Variants in ZSCAN29 observed in about 807,000 individuals in gnomAD.
The protein encoded by ZSCAN29 is zinc finger and SCAN domain containing 29.
A neutral mutation model predicts 71.9 loss-of-function variants in ZSCAN29; 55 were observed. The ratio of observed to expected loss-of-function variants is 0.76; its 90% CI spans 0.62 to 0.96. The LOEUF is 0.96. ZSCAN29 is among the 40% of genes least tolerant of loss of function. ZSCAN29 has a pLI of 0.00. For missense variants in ZSCAN29, 1,042 were observed against 1,042.2 expected, an observed-to-expected ratio of 1.00 and a Z score of 0.00; for synonymous variants, 351 against 371.6, an observed-to-expected ratio of 0.94 and a Z score of 0.64.
intron 4 of ZSCAN29, among the ~76,000 whole-genome samples, chr15:43,364,881 C>G (rs1229924596): frequency 1.6e-5 from 2 of 122,428 alleles, no homozygotes; most frequent in Non-Finnish European, 3.2e-5. Context: ...GACAACAAAG[C>G]GACTCTGTCT....
Position 43,361,567 on chromosome 15 carries a change from G to A in ZSCAN29, c.2065C>T (p.Arg689Trp), listed in dbSNP as rs760226206. 1.9e-5 allele frequency: 31 copies of A among 1,614,056 alleles called. No individual in the cohort carries two copies. Among genetic ancestry groups the A allele is most frequent in the African/African-American group, 4.0e-5 (3 of 74,912 alleles). ...CGGTGTCTAATGAGTCGTGCACTCC[G>A]ACTGAAGCTTTTCCCACAATCAGCA... ...KCADCGKSFS[R>W]SARLIRHRRI... The change falls in exon 6 of 6, where the codon CGG (arginine) becomes TGG (tryptophan). Residue 689 changes from arginine to tryptophan, a missense_variant. By Grantham distance (101) the Arg-to-Trp change is moderately radical. Transcript: ENST00000684362.
At position 43,361,867 on chromosome 15, in the gene ZSCAN29, A is replaced by G; in HGVS notation, c.1765T>C (p.Leu589=). The change falls in exon 6 of 6, where the codon TTA becomes CTA. Residue 589 remains leucine, a synonymous_variant. Transcript: ENST00000684362. ...ATTTTCCTTTCAGATCTTGCAAGTA[A>G]TGTCCTATGCAGTTGTACTTCCTCA... ...ISEEVQLHRT[L]LARSERKIPR... 6.2e-7 allele frequency: 1 copy of G among 1,614,190 alleles called. No individual in the cohort carries two copies. Among genetic ancestry groups the G allele is most frequent in the South Asian group, 1.1e-5 (1 of 91,086 alleles).
At position 43,369,066 on chromosome 15, in the gene ZSCAN29, G is replaced by A; in HGVS notation, c.380C>T (p.Ser127Leu). The A allele has an allele frequency of 6.2e-7, 1 of 1,608,146 alleles. No individual in the cohort carries two copies. Among genetic ancestry groups the A allele is most frequent in the Non-Finnish European group, 8.5e-7 (1 of 1,176,098 alleles). The stretch of plus-strand genomic sequence containing the variant: ...CTGCCGAACACTTAATAACTCTTGT[G>A]ATGATTTCGGGGGTGTCATCTTCTC... The part of the protein sequence containing the change: ...RLEKMTPPKS[S>L]QELLSVRQES... Residue 127 changes from serine (S) to leucine (L), a missense_variant, in exon 3 of 6, where the codon TCA becomes TTA. Transcript: ENST00000684362.
rs772832584 is a variant in ZSCAN29 at position 43,366,769 on chromosome 15, T to TCC, written c.561_562dup (p.Glu188GlyfsTer25). On this transcript the variant is annotated frameshift_variant, in exon 4 of 6. Coordinates refer to ENST00000684362, the MANE Select transcript of ZSCAN29 (RefSeq NM_001372080.1). LOFTEE classifies it high-confidence loss of function. ...ATCTGGGATCCATGGCTCTCCTTGC[T>TCC]CCAACCTGGAGACCACACCGGATTT... 1 of 1,614,000 alleles carries TCC rather than the reference T, an allele frequency of 6.2e-7. No individual in the cohort carries two copies. Among genetic ancestry groups the TCC allele is most frequent in the Admixed American group, 1.7e-5 (1 of 59,988 alleles).
intron 4 of ZSCAN29, among the ~76,000 whole-genome samples, chr15:43,365,464 A>C (rs1225828204): frequency 6.6e-6 from 1 of 152,232 alleles, no homozygotes; most frequent in Non-Finnish European, 1.5e-5. Flanking sequence ...TCTCAGAGGA[A>C]ACTTAGATGT....
rs758112106 is a variant in ZSCAN29 at position 43,361,152 on chromosome 15, A to G, written c.2480T>C (p.Phe827Ser). 3 of 1,614,074 alleles carry G rather than the reference A, an allele frequency of 1.9e-6. No individual in the cohort carries two copies. The highest frequency in any genetic ancestry group is 2.5e-6 in the Non-Finnish European group (3 of 1,179,914). Residue 827 changes from phenylalanine (F) to serine (S), a missense_variant, in exon 6 of 6, where the codon TTC becomes TCC. Phe to Ser is a radical substitution (Grantham distance 155). Transcript: ENST00000684362. Reference sequence around the variant, plus strand: ...CTTATTAAGGGCAGAGCTTTTACTGAAGCACTTACCACAGTCATGACACCC... The same window carrying G: ...CTTATTAAGGGCAGAGCTTTTACTGGAGCACTTACCACAGTCATGACACCC... ...PYGCHDCGKCFSKSSALNKHG... is the reference protein window; with the variant it reads ...PYGCHDCGKCSSKSSALNKHG...
chr15:43,368,115 A>G (rs1032686863), intron 3 of ZSCAN29, among the ~76,000 whole-genome samples: 1 of 152,248 alleles, frequency 6.6e-6, no homozygotes, highest in African/African-American at 2.4e-5. Flanking sequence ...TAAAATTCTT[A>G]CTTAGCTTCT....
chr15:43,369,243 G>A, intron 2 of ZSCAN29, 116 bp from the exon 3 acceptor site: 1 of 1,068,258 alleles, frequency 9.4e-7, no homozygotes, highest in Non-Finnish European at 1.3e-6. Flanking sequence ...AGGGTTGTAG[G>A]GGTGAGGGAG....
rs1566883674 is a variant in ZSCAN29, at chr15:43,366,441, C to T, written c.891G>A (p.Gln297=). The T allele has an allele frequency of 6.2e-7, 1 of 1,614,220 alleles. No individual in the cohort carries two copies. The highest frequency in any genetic ancestry group is 1.7e-5 in the Admixed American group (1 of 60,030). ...REYGFLRTLE[Q]CRTKFKGLQK... The stretch of plus-strand genomic sequence containing the variant: ...GGAGACCTTTGAACTTGGTCCGACA[C>T]TGTTCCAGGGTCCGGAGGAAGCCAT... Residue 297 remains glutamine (Q), a synonymous_variant, in exon 4 of 6, where the codon CAG becomes CAA. Transcript: ENST00000684362.
rs2044097205 is a variant in ZSCAN29, at chr15:43,370,717, G to C, written c.-272C>G. On this transcript the variant is annotated 5_prime_UTR_variant, in exon 1 of 6. Coordinates refer to ENST00000684362, the MANE Select transcript of ZSCAN29 (RefSeq NM_001372080.1). ...GCTCGGGTGTCGGCCAGAGGCTCCA[G>C]GTGCTGCCGGTTCGCGGACGCAGAG... 6.5e-6 allele frequency: 1 copy of C among 152,820 alleles called. No individual in the cohort carries two copies. The highest frequency in any genetic ancestry group is 2.4e-5 in the African/African-American group (1 of 41,486). 9.5% of individuals were successfully genotyped at this position (152,820 alleles called of 1,614,324 possible).
At chr15:43,365,930 T>A (rs1013327116) in intron 4 of ZSCAN29, among the ~76,000 whole-genome samples, 180 bp downstream of exon 4, 9 of 152,140 alleles carry the variant, frequency 5.9e-5, no homozygotes, top group Admixed American at 5.9e-4. Context: ...CTAAATGTAT[T>A]CCCAATTATC....
Position 43,370,997 on chromosome 15 carries a change from C to CGGCCCG in ZSCAN29, c.-553_-552insCGGGCC, listed in dbSNP as rs2044105872. On this transcript the variant is annotated 5_prime_UTR_variant, in exon 1 of 6. Coordinates refer to ENST00000684362, the MANE Select transcript of ZSCAN29 (RefSeq NM_001372080.1). ...CTGACCCCGGCCCCGGCCCCGGCCC[C>CGGCCCG]GGCCCCGGCTCTCCAGCCTCCCAAG... is the stretch of plus-strand genomic sequence containing the variant. 4 of 332,796 alleles carry CGGCCCG rather than the reference C, an allele frequency of 1.2e-5. No individual in the cohort carries two copies. Among genetic ancestry groups the CGGCCCG allele is most frequent in the East Asian group, 7.1e-5 (1 of 13,996 alleles). 20.6% of individuals were successfully genotyped at this position (332,796 alleles called of 1,614,324 possible). A position where few individuals can be genotyped will look rare whatever the true frequency, so the allele number is the denominator to read the frequency against.
Position 43,370,034 on chromosome 15 carries a change from G to C in ZSCAN29, c.-112-9C>G, listed in dbSNP as rs2044086309. The C allele has an allele frequency of 9.9e-7, 1 of 1,011,728 alleles. No homozygotes were observed. Among genetic ancestry groups the C allele is most frequent in the African/African-American group, 1.6e-5 (1 of 62,240 alleles). 62.7% of individuals were successfully genotyped at this position (1,011,728 alleles called of 1,614,324 possible). On this transcript the variant is annotated splice_polypyrimidine_tract_variant and intron_variant, in intron 1 of 5. Coordinates refer to ENST00000684362, the MANE Select transcript of ZSCAN29 (RefSeq NM_001372080.1). ...GTAAGAGGTGTTTCTTCCTAGGGCA[G>C]AGAAAGATGGCACTATCAGAAGGAA...
intron 3 of ZSCAN29, among the ~76,000 whole-genome samples, 195 bp downstream of exon 3, chr15:43,368,728 G>A (rs1032737836): frequency 2.0e-5 from 3 of 152,042 alleles, no homozygotes; most frequent in Non-Finnish European, 4.4e-5. Context: ...TCCAAGTTCC[G>A]ATAAAAACTA....
Position 43,364,367 on chromosome 15 carries a change from T to C in ZSCAN29, c.1238A>G (p.Tyr413Cys), listed in dbSNP as rs745915469. Reference protein sequence around the residue: ...FRSPGGVHWGYEETKTYLAIL... With the variant: ...FRSPGGVHWGCEETKTYLAIL... The stretch of plus-strand genomic sequence containing the variant: ...TGCAAGGTAAGTCTTGGTCTCTTCA[T>C]AGCCCCAGTGTACACCTGCCACCAG... The change falls in exon 5 of 6, where the codon TAT becomes TGT. Residue 413 changes from tyrosine (Y) to cysteine (C), a missense_variant. Coordinates refer to ENST00000684362, the MANE Select transcript of ZSCAN29 (RefSeq NM_001372080.1). The C allele has an allele frequency of 1.9e-5, 31 of 1,613,752 alleles. No individual in the cohort carries two copies. The highest frequency in any genetic ancestry group is 2.4e-5 in the Non-Finnish European group (28 of 1,180,024).
chr15:43,364,608 C>A, intron 4 of ZSCAN29: 2 of 598,886 alleles, frequency 3.3e-6, no homozygotes, highest in Admixed American at 2.4e-5. Flanking sequence ...TTCTGTTTAG[C>A]CATATAAAAA....
rs1165025712 is a variant in ZSCAN29 at position 43,366,661 on chromosome 15, T to C, written c.671A>G (p.Lys224Arg). Residue 224 changes from lysine (K) to arginine (R), a missense_variant, in exon 4 of 6, where the codon AAG becomes AGG. Lys to Arg is a conservative substitution (Grantham distance 26, BLOSUM62 2). Transcript: ENST00000684362. ...TTCCACCCAGCTTCTTCTATCTTTC[T>C]TGGATGGTAACAGATCAGCATGCAC... Reference protein sequence around the residue: ...RRVHADLLPSKKDRRSWVEQD... With the variant: ...RRVHADLLPSRKDRRSWVEQD... 1 of 1,614,232 alleles carries C rather than the reference T, an allele frequency of 6.2e-7. No individual in the cohort carries two copies. The highest frequency in any genetic ancestry group is 2.2e-5 in the East Asian group (1 of 44,888).
chr15:43,364,011 C>A lies in ZSCAN29; in HGVS notation c.1594G>T (p.Ala532Ser), dbSNP rs532162092. Residue 532 changes from alanine (A) to serine (S), a missense_variant, in exon 5 of 6, where the codon GCC (alanine) becomes TCC (serine). Coordinates refer to ENST00000684362, the MANE Select transcript of ZSCAN29 (RefSeq NM_001372080.1). ...AQKQAEEADE[A>S]TEEDSDDDEE... ...TCATCATCAGAATCTTCCTCTGTGG[C>A]CTCGTCTGCTTCCTCAGCTTGCTTC... is the stretch of plus-strand genomic sequence containing the variant. The A allele has an allele frequency of 1.2e-6, 2 of 1,614,188 alleles. No individual in the cohort carries two copies. Among genetic ancestry groups the A allele is most frequent in the African/African-American group, 1.3e-5 (1 of 75,046 alleles).
chr15:43,366,746 C>G lies in ZSCAN29; in HGVS notation c.586G>C (p.Asp196His), dbSNP rs1020072427. Residue 196 changes from aspartate (D) to histidine (H), a missense_variant, in exon 4 of 6, where the codon GAT (aspartate) becomes CAT (histidine). Transcript: ENST00000684362. ...RLEQGEPWIPDLLGSKEKELP... is the reference protein window; with the variant it reads ...RLEQGEPWIPHLLGSKEKELP... ...TCTTTCTCCTTAGAGCCCAGCAGAT[C>G]TGGGATCCATGGCTCTCCTTGCTCC... 1 of 1,614,100 alleles carries G rather than the reference C, an allele frequency of 6.2e-7. No individual in the cohort carries two copies. Among genetic ancestry groups the G allele is most frequent in the Non-Finnish European group, 8.5e-7 (1 of 1,180,048 alleles).
Sources: gnomAD v4.1 joint callset for allele counts (sites outside exome capture counted in the v4.1 genomes callset) on GRCh38, gnomAD v4.1.1 for gene constraint, MANE v1.5 for transcripts, NCBI Gene and HGNC (gene_info 2026-07-23, HGNC 2026-07-21) for gene names.